The following ADCY8 variants were observed in gnomAD, a reference collection of about 807,000 sequenced individuals.
ADCY8 encodes adenylate cyclase 8.
A neutral mutation model predicts 119.7 loss-of-function variants in ADCY8; 51 were observed. That is an observed-to-expected ratio of 0.43 (90% CI 0.34 to 0.54). The LOEUF (loss-of-function observed/expected upper bound fraction) is 0.54. ADCY8 is among the 20% of genes least tolerant of loss of function. The pLI is 0.03. For synonymous variants in ADCY8, 665 were observed against 651.0 expected (o/e 1.02, Z -0.33); for missense variants, 1,383 against 1,598.8 (o/e 0.87, Z 2.30).
At position 130,990,417 on chromosome 8, in the gene ADCY8, G is replaced by A. The variant is rs768908653; in HGVS notation, c.1086C>T (p.Arg362=). The A allele has an allele frequency of 1.1e-5, 18 of 1,614,052 alleles. No homozygotes were observed. Among genetic ancestry groups the A allele is most frequent in the Non-Finnish European group, 1.5e-5 (18 of 1,180,016 alleles). The change falls in exon 2 of 18, where the codon CGC becomes CGT. Residue 362 remains arginine, a synonymous_variant. Transcript: ENST00000286355. ...CCTGTCTTTGGTTCTCTGTCTCCAG[G>A]CGCAGCCTGGCCTCCACACACCTCC... is the stretch of plus-strand genomic sequence containing the variant. ...ETRRCVEARL[R]LETENQRQER... is the part of the protein sequence containing the mutation.
rs572756278 is a variant in ADCY8 at position 130,954,529 on chromosome 8, G to A, written c.1111-2531C>T. 7.7e-3 allele frequency among the ~76,000 whole-genome samples: 1,173 copies of A among 152,328 alleles called. 19 individuals carry two copies. Among genetic ancestry groups the A allele is most frequent in the African/African-American group, 0.026 (1,086 of 41,562 alleles). On this transcript the variant is annotated intron_variant, in intron 2 of 17. Coordinates refer to ENST00000286355, the MANE Select transcript of ADCY8 (RefSeq NM_001115.3). ...TGGACTCTGAGAAAAATGGTCAAGA[G>A]GGTGGAGTTTTTAAAAACTCCTTAG... is the stretch of plus-strand genomic sequence containing the variant.
At chr8:131,000,159 A>G (rs929876053) in intron 1 of ADCY8, among the ~76,000 whole-genome samples, 2 of 152,188 alleles carry the variant, frequency 1.3e-5, no homozygotes, top group Non-Finnish European at 2.9e-5. Context: ...GAACATCTCT[A>G]AAGTTAAACA....
Position 130,910,680 on chromosome 8 carries a change from G to T in ADCY8, c.1482-814C>A, listed in dbSNP as rs180820149. On this transcript the variant is annotated intron_variant, in intron 5 of 17. Coordinates refer to ENST00000286355, the MANE Select transcript of ADCY8 (RefSeq NM_001115.3). ...CAGCTTTTGTTACTTATGTTGAAAA[G>T]CTTTACCAACATTTGATATATAGAT... Among the ~76,000 whole-genome samples the T allele has an allele frequency of 4.3e-4, 65 of 152,310 alleles. No homozygotes were observed. The East Asian group carries it at 0.011, about 26-fold the overall frequency.
intron 9 of ADCY8, among the ~76,000 whole-genome samples, chr8:130,865,069 C>A (rs1818068149): frequency 6.6e-6 from 1 of 152,072 alleles, no homozygotes; most frequent in Non-Finnish European, 1.5e-5. Flanking sequence ...GTATTAGTTT[C>A]CCCTCTTGAT....
chr8:130,818,143 G>A (rs1276738771), intron 13 of ADCY8, among the ~76,000 whole-genome samples: 1 of 152,302 alleles, frequency 6.6e-6, no homozygotes, highest in Middle Eastern at 3.4e-3. Context: ...TAAACTGTAA[G>A]AAATGACAGC....
chr8:130,828,469 A>G (rs1260643773), intron 12 of ADCY8, among the ~76,000 whole-genome samples: 1 of 152,086 alleles, frequency 6.6e-6, no homozygotes, highest in Non-Finnish European at 1.5e-5. Flanking sequence ...TGGAGACCAC[A>G]TGGCATTTCC....
At chr8:130,846,102 A>G (rs1231655435) in intron 11 of ADCY8, among the ~76,000 whole-genome samples, 9 of 152,080 alleles carry the variant, frequency 5.9e-5, no homozygotes, top group Admixed American at 3.3e-4. Flanking sequence ...TCTGGGACCA[A>G]TTCTTAGGCC....
rs190646371 is a variant in ADCY8 at position 130,870,124 on chromosome 8, C to T, written c.2110-2178G>A. On this transcript the variant is annotated intron_variant, in intron 8 of 17. Transcript: ENST00000286355. ...TGTCTCCTGGGTTCAAGTGATTCTC[C>T]TCCCTCAGCCTCCTGAATAGCTGGG... Among the ~76,000 whole-genome samples, 415 of 151,806 alleles carry T rather than the reference C, an allele frequency of 2.7e-3. 2 individuals carry two copies. Among genetic ancestry groups the T allele is most frequent in the Admixed American group, 6.4e-3 (98 of 15,250 alleles).
chr8:130,998,430 C>T (rs1822846431), intron 1 of ADCY8, among the ~76,000 whole-genome samples: 1 of 152,138 alleles, frequency 6.6e-6, no homozygotes, highest in African/African-American at 2.4e-5. Flanking sequence ...GCATGCGGCC[C>T]ACTGTGGCTG....
chr8:130,877,891 C>T lies in ADCY8; in HGVS notation c.2109+6673G>A, dbSNP rs544274093. Among the ~76,000 whole-genome samples the T allele has an allele frequency of 8.5e-5, 13 of 152,142 alleles. No homozygotes were observed. In the East Asian group the frequency reaches 1.2e-3, roughly 14 times the overall value. ...AGGCTGTACTTGCTTAGATTAATGACGGTTGGAACCCTGGTACCCTGGGAT... is the reference window on the plus strand; with the variant it reads ...AGGCTGTACTTGCTTAGATTAATGATGGTTGGAACCCTGGTACCCTGGGAT... On this transcript the variant is annotated intron_variant, in intron 8 of 17. Transcript: ENST00000286355.
intron 6 of ADCY8, among the ~76,000 whole-genome samples, chr8:130,906,791 C>G (rs776831375): frequency 1.3e-5 from 2 of 150,716 alleles, no homozygotes; most frequent in Non-Finnish European, 2.9e-5. Context: ...TTGTGTAACT[C>G]TTGTTTTGCA....
chr8:130,851,313 C>T (rs1365679661), intron 9 of ADCY8, among the ~76,000 whole-genome samples: 1 of 152,026 alleles, frequency 6.6e-6, no homozygotes, highest in African/African-American at 2.4e-5. Flanking sequence ...TCTAAACAAA[C>T]ATCAACTGAA....
At chr8:130,993,992 CT>C (rs755846186) in intron 1 of ADCY8, among the ~76,000 whole-genome samples, 1 of 152,210 alleles carries the variant, frequency 6.6e-6, no homozygotes, top group African/African-American at 2.4e-5. Context: ...GCTTCAGGAT[CT>C]TGATCCTACT....
At chr8:130,894,588 G>A (rs1027376910) in intron 7 of ADCY8, among the ~76,000 whole-genome samples, 1 of 152,170 alleles carries the variant, frequency 6.6e-6, no homozygotes, top group African/African-American at 2.4e-5. Context: ...ATTCACAACA[G>A]TAGTTTGGGA....
chr8:130,872,734 G>T (rs1194810973), intron 8 of ADCY8, among the ~76,000 whole-genome samples: 1 of 152,138 alleles, frequency 6.6e-6, no homozygotes, highest in Admixed American at 6.5e-5. Context: ...ACTGATAATA[G>T]GGAAGAAAAC....
At chr8:130,989,952 A>C (rs185252435) in intron 2 of ADCY8, among the ~76,000 whole-genome samples, 276 of 152,324 alleles carry the variant, frequency 1.8e-3, no homozygotes, top group Non-Finnish European at 3.3e-3. Flanking sequence ...TCTAAAAATC[A>C]GGTTGTGGTT....
chr8:130,888,359 T>C (rs539498175), intron 7 of ADCY8, among the ~76,000 whole-genome samples: 18 of 152,172 alleles, frequency 1.2e-4, no homozygotes, highest in Admixed American at 3.3e-4. Context: ...AATGTAATAA[T>C]GTTATAAATG....
chr8:130,924,839 A>C (rs1820414525), intron 5 of ADCY8, among the ~76,000 whole-genome samples: 1 of 152,214 alleles, frequency 6.6e-6, no homozygotes, highest in Non-Finnish European at 1.5e-5. Flanking sequence ...CCTATCTTCT[A>C]GAATTTTTAT....
At chr8:130,951,342 T>C (rs150215556) in intron 3 of ADCY8, among the ~76,000 whole-genome samples, 49 of 152,272 alleles carry the variant, frequency 3.2e-4, no homozygotes, top group Middle Eastern at 6.8e-3. Context: ...GCTGGGCACA[T>C]AGAGGGCACT....
Sources: gnomAD v4.1 joint callset for allele counts (sites outside exome capture counted in the v4.1 genomes callset) on GRCh38, gnomAD v4.1.1 for gene constraint, MANE v1.5 for transcripts, NCBI Gene and HGNC (gene_info 2026-07-23, HGNC 2026-07-21) for gene names.